Variants in ITGAV observed in about 807,000 individuals in gnomAD.
ITGAV encodes the protein integrin alpha-V.
ITGAV carries 76 observed loss-of-function variants against 143.8 expected under a neutral mutation model. That is an observed-to-expected ratio of 0.53 (90% CI 0.44 to 0.64). ITGAV has a LOEUF of 0.64. Among genes scored for constraint, ITGAV ranks in the 30% least tolerant of loss-of-function variants. ITGAV has a pLI of 0.00. For missense variants in ITGAV, 1,193 were observed against 1,274.7 expected (o/e 0.94, Z 0.98); for synonymous variants, 453 against 446.7 (o/e 1.01, Z -0.18).
intron 10 of ITGAV, among the ~76,000 whole-genome samples, chr2:186,640,246 G>A (rs1272225473): frequency 2.0e-5 from 3 of 152,108 alleles, no homozygotes; most frequent in South Asian, 2.1e-4. Flanking sequence ...GGTCTCCTGT[G>A]GTAGGGAAGA....
At chr2:186,626,790 C>T (rs1687688693) in intron 4 of ITGAV, among the ~76,000 whole-genome samples, 1 of 152,080 alleles carries the variant, frequency 6.6e-6, no homozygotes, top group Non-Finnish European at 1.5e-5. Flanking sequence ...ATACACTGCA[C>T]AGGATGAGGG....
intron 2 of ITGAV, 129 bp downstream of exon 2, chr2:186,602,280 T>A: frequency 1.6e-6 from 1 of 630,608 alleles, no homozygotes; most frequent in Non-Finnish European, 2.5e-6. Flanking sequence ...GGGAAAATTA[T>A]ATAAAGACAA....
At position 186,636,224 on chromosome 2, in the gene ITGAV, T is replaced by G. The variant is rs746828061; in HGVS notation, c.757+17T>G. The G allele has an allele frequency of 1.5e-5, 24 of 1,602,408 alleles. No individual in the cohort carries two copies. The highest frequency in any genetic ancestry group is 2.0e-5 in the Non-Finnish European group (23 of 1,175,042). ...GCTATTTGGGTAGGTAAAACCAAAA[T>G]TTACTCATTTTTGGAACTGTGGTAC... On this transcript the variant is annotated intron_variant, in intron 7 of 29. Transcript: ENST00000261023.
chr2:186,594,315 T>C (rs1202908735), intron 1 of ITGAV, among the ~76,000 whole-genome samples: 2 of 152,240 alleles, frequency 1.3e-5, no homozygotes, highest in African/African-American at 4.8e-5. Flanking sequence ...CTCTGTCACC[T>C]TGGAAATACT....
chr2:186,648,496 G>A (rs186109479), intron 13 of ITGAV, among the ~76,000 whole-genome samples: 6 of 152,144 alleles, frequency 3.9e-5, no homozygotes, highest in African/African-American at 7.2e-5. Flanking sequence ...ATGAAGTCTC[G>A]CTCTGTTACC....
intron 22 of ITGAV, 100 bp from the exon 23 acceptor site, chr2:186,667,050 C>T (rs1382083738): frequency 6.3e-6 from 5 of 791,086 alleles, no homozygotes; most frequent in Non-Finnish European, 1.0e-5. Context: ...AAGCTTTACA[C>T]TTGTTTCGTT....
chr2:186,640,492 G>A (rs750375955), intron 10 of ITGAV, among the ~76,000 whole-genome samples: 1 of 152,080 alleles, frequency 6.6e-6, no homozygotes. Flanking sequence ...CATGACATAG[G>A]CATCCATATA....
In ITGAV at chr2:186,672,651, T is replaced by C. The variant is rs528619296; in HGVS notation, c.2706+2837T>C. 4.6e-5 allele frequency among the ~76,000 whole-genome samples: 7 copies of C among 152,346 alleles called. No individual in the cohort carries two copies. The South Asian group carries it at 1.2e-3, about 27-fold the overall frequency. On this transcript the variant is annotated intron_variant, in intron 26 of 29. Transcript: ENST00000261023. Reference sequence around the variant, plus strand: ...CTGGTTGGTGTGAAGAAGTAACTCATTGTGGTTTTGATATGCATTTCCCTG... The same window carrying C: ...CTGGTTGGTGTGAAGAAGTAACTCACTGTGGTTTTGATATGCATTTCCCTG...
intron 2 of ITGAV, among the ~76,000 whole-genome samples, chr2:186,614,537 C>T (rs1016459728): frequency 7.9e-5 from 12 of 151,964 alleles, no homozygotes; most frequent in African/African-American, 2.7e-4. Context: ...AGTCTTTGAA[C>T]GAAATTTGAT....
intron 1 of ITGAV, among the ~76,000 whole-genome samples, chr2:186,591,647 G>A (rs1486569336): frequency 6.6e-6 from 1 of 152,130 alleles, no homozygotes; most frequent in East Asian, 1.9e-4. Flanking sequence ...GGTCTCAATG[G>A]TTTTCTATGA....
intron 17 of ITGAV, among the ~76,000 whole-genome samples, chr2:186,657,648 A>G (rs768894457): frequency 6.6e-6 from 1 of 152,316 alleles, no homozygotes; most frequent in South Asian, 2.1e-4. Flanking sequence ...AAATGAAGGT[A>G]AGAAAGAAAC....
rs1261395302 is a variant in ITGAV, at chr2:186,590,207, G to A, written c.-132G>A. 3 of 733,616 alleles carry A rather than the reference G, an allele frequency of 4.1e-6. No homozygotes were observed. Among genetic ancestry groups the A allele is most frequent in the Non-Finnish European group, 5.9e-6 (3 of 510,088 alleles). The allele number at this position is 733,616 out of a possible 1,614,324, so 45.4% of individuals were successfully genotyped here. On this transcript the variant is annotated 5_prime_UTR_variant, in exon 1 of 30. Coordinates refer to ENST00000261023, the MANE Select transcript of ITGAV (RefSeq NM_002210.5). ...CTCTTGCCTGCCCCGGAGCTGTCCC[G>A]GGCTAGCCGAGAAGAGAGCGGCCGG...
intron 2 of ITGAV, among the ~76,000 whole-genome samples, chr2:186,614,354 A>T (rs1276447027): frequency 6.6e-6 from 1 of 152,022 alleles, no homozygotes; most frequent in Non-Finnish European, 1.5e-5. Flanking sequence ...ACATAAAGTT[A>T]TAATTTACTC....
chr2:186,645,478 G>C (rs745319024), intron 12 of ITGAV, among the ~76,000 whole-genome samples: 4 of 152,122 alleles, frequency 2.6e-5, no homozygotes, highest in Non-Finnish European at 4.4e-5. Context: ...GGATGGCGTG[G>C]GGGTGGGGAT....
At chr2:186,671,341 T>G (rs1018007566) in intron 26 of ITGAV, among the ~76,000 whole-genome samples, 2 of 152,102 alleles carry the variant, frequency 1.3e-5, no homozygotes, top group East Asian at 3.9e-4. Flanking sequence ...CTTACTATTC[T>G]CTTTCTCAAA....
At chr2:186,629,203 A>G (rs1221082145) in intron 4 of ITGAV, among the ~76,000 whole-genome samples, 1 of 152,104 alleles carries the variant, frequency 6.6e-6, no homozygotes, top group Non-Finnish European at 1.5e-5. Context: ...AGCCTGCATC[A>G]AAATAGTTTA....
Position 186,666,741 on chromosome 2 carries a change from C to A in ITGAV, c.2204C>A (p.Ser735Ter). 6.3e-7 allele frequency: 1 copy of A among 1,586,988 alleles called. No individual in the cohort carries two copies. Among genetic ancestry groups the A allele is most frequent in the South Asian group, 1.2e-5 (1 of 84,862 alleles). ...AGLRFSVHQQ[S>*]EMDTSVKFDL... ...CTTCGTTTCAGTGTGCACCAGCAGTCAGAGATGGATACTTCTGTGAAATTT... is the reference window on the plus strand; with the variant it reads ...CTTCGTTTCAGTGTGCACCAGCAGTAAGAGATGGATACTTCTGTGAAATTT... The change falls in exon 22 of 30, where the codon TCA becomes TAA. Residue 735 changes from serine (S) to a stop codon, truncating the protein, a stop_gained. Transcript: ENST00000261023. LOFTEE classifies it high-confidence loss of function.
At chr2:186,652,944 T>C (rs1688477575) in intron 15 of ITGAV, among the ~76,000 whole-genome samples, 1 of 140,438 alleles carries the variant, frequency 7.1e-6, no homozygotes, top group Non-Finnish European at 1.5e-5. Context: ...TTTTTTTTTT[T>C]TTTTTTTTTT....
intron 17 of ITGAV, among the ~76,000 whole-genome samples, chr2:186,658,817 A>C (rs1410245358): frequency 6.6e-6 from 1 of 152,170 alleles, no homozygotes; most frequent in Admixed American, 6.5e-5. Context: ...CGTGTGAATC[A>C]AATAGTACAT....
Sources: gnomAD v4.1 joint callset for allele counts (sites outside exome capture counted in the v4.1 genomes callset) on GRCh38, gnomAD v4.1.1 for gene constraint, MANE v1.5 for transcripts, NCBI Gene and HGNC (gene_info 2026-07-23, HGNC 2026-07-21) for gene names.